The following EPHA6 variants were observed in gnomAD, a reference collection of about 807,000 sequenced individuals.
The protein encoded by EPHA6 is EPH receptor A6.
Under a neutral mutation model 112.0 loss-of-function variants are expected in EPHA6, and 50 were observed. That is an observed-to-expected ratio of 0.45 (90% CI 0.36 to 0.56). The LOEUF (loss-of-function observed/expected upper bound fraction) is 0.56, where lower values mean the gene tolerates loss of function less well. EPHA6 is among the 20% of genes least tolerant of loss of function. The pLI is 0.00. For missense variants in EPHA6, 1,280 were observed against 1,417.4 expected (o/e 0.90, Z 1.56); for synonymous variants, 529 against 490.7 (o/e 1.08, Z -1.03).
intron 14 of EPHA6, among the ~76,000 whole-genome samples, chr3:97,643,391 C>T (rs1440665172): frequency 6.6e-6 from 1 of 152,110 alleles, no homozygotes; most frequent in Non-Finnish European, 1.5e-5. Context: ...AACTAATGAG[C>T]AAAATCACCA....
chr3:97,550,828 G>A (rs563863253), intron 11 of EPHA6, among the ~76,000 whole-genome samples: 20 of 151,816 alleles, frequency 1.3e-4, no homozygotes, highest in African/African-American at 4.8e-4. Context: ...CACACATTAA[G>A]CAGTAAGTAC....
chr3:96,951,603 C>T (rs879827185), intron 2 of EPHA6, among the ~76,000 whole-genome samples: 4 of 152,052 alleles, frequency 2.6e-5, no homozygotes, highest in Admixed American at 2.6e-4. Flanking sequence ...TATGTCATAA[C>T]ATCTTCATAA....
intron 3 of EPHA6, among the ~76,000 whole-genome samples, chr3:97,131,781 T>C (rs2075631132): frequency 6.6e-6 from 1 of 152,098 alleles, no homozygotes; most frequent in South Asian, 2.1e-4. Flanking sequence ...TTGCTACAAA[T>C]AATAAGCTAG....
rs2107924471 is a variant in EPHA6 at position 97,752,743 on chromosome 3, TG to T, written c.*4043del. 6.6e-6 allele frequency among the ~76,000 whole-genome samples: 1 copy of T among 152,234 alleles called. No individual in the cohort carries two copies. The highest frequency in any genetic ancestry group is 1.9e-4 in the East Asian group (1 of 5,184). On this transcript the variant is annotated 3_prime_UTR_variant, in exon 18 of 18. Coordinates refer to ENST00000389672, the MANE Select transcript of EPHA6 (RefSeq NM_001080448.3). Reference sequence around the variant, plus strand: ...TGGAAAGTAATTTTGAAATGGATGATGATGATCCTTTTTAATTGCTTTAACT... The same window carrying T: ...TGGAAAGTAATTTTGAAATGGATGATATGATCCTTTTTAATTGCTTTAACT...
At chr3:97,227,042 T>C (rs527439855) in intron 4 of EPHA6, among the ~76,000 whole-genome samples, 1 of 152,296 alleles carries the variant, frequency 6.6e-6, no homozygotes, top group African/African-American at 2.4e-5. Flanking sequence ...TGTATTCTTC[T>C]ATTATTAAAA....
chr3:96,922,525 C>T (rs1412511185), intron 2 of EPHA6, among the ~76,000 whole-genome samples: 1 of 152,096 alleles, frequency 6.6e-6, no homozygotes, highest in Non-Finnish European at 1.5e-5. Flanking sequence ...CTGTATTTTT[C>T]AGAGTCTGAT....
chr3:96,880,812 T>C (rs1296691408), intron 2 of EPHA6, among the ~76,000 whole-genome samples: 1 of 152,200 alleles, frequency 6.6e-6, no homozygotes, highest in Non-Finnish European at 1.5e-5. Context: ...CTGGCTTCTT[T>C]TACTTAGCGT....
intron 3 of EPHA6, among the ~76,000 whole-genome samples, chr3:97,005,096 G>C (rs1337306140): frequency 6.6e-6 from 1 of 152,186 alleles, no homozygotes; most frequent in Non-Finnish European, 1.5e-5. Flanking sequence ...GGCTATGCCA[G>C]ATCTTCTTTG....
chr3:97,310,988 A>C (rs1188892314), intron 5 of EPHA6, among the ~76,000 whole-genome samples: 1 of 151,458 alleles, frequency 6.6e-6, no homozygotes, highest in African/African-American at 2.4e-5. Context: ...ATCCTTTCCC[A>C]CCTGGAGACA....
intron 14 of EPHA6, among the ~76,000 whole-genome samples, chr3:97,694,215 G>A (rs1559607415): frequency 6.6e-6 from 1 of 151,592 alleles, no homozygotes; most frequent in African/African-American, 2.4e-5. Context: ...AGATGTCTAT[G>A]AGCCCTTTTC....
intron 3 of EPHA6, among the ~76,000 whole-genome samples, chr3:97,077,729 T>A (rs2046578770): frequency 6.6e-6 from 1 of 152,210 alleles, no homozygotes; most frequent in Non-Finnish European, 1.5e-5. Flanking sequence ...GAACTCATCC[T>A]TTTTTATGGC....
intron 6 of EPHA6, among the ~76,000 whole-genome samples, chr3:97,423,621 T>C (rs75741628): frequency 6.6e-6 from 1 of 152,048 alleles, no homozygotes; most frequent in Non-Finnish European, 1.5e-5. Flanking sequence ...AATCTACCTA[T>C]GACATTTTTT....
chr3:97,044,929 T>C (rs2045450336), intron 3 of EPHA6, among the ~76,000 whole-genome samples: 1 of 152,062 alleles, frequency 6.6e-6, no homozygotes, highest in African/African-American at 2.4e-5. Flanking sequence ...CAAATAAAAA[T>C]CTGTCTTTAG....
intron 2 of EPHA6, among the ~76,000 whole-genome samples, chr3:96,889,294 G>T (rs546729535): frequency 6.6e-6 from 1 of 152,122 alleles, no homozygotes; most frequent in African/African-American, 2.4e-5. Context: ...ACATTTTTGG[G>T]TATCTTTTCA....
chr3:96,979,878 A>G (rs540374532), intron 2 of EPHA6, among the ~76,000 whole-genome samples: 4 of 152,082 alleles, frequency 2.6e-5, no homozygotes, highest in South Asian at 4.2e-4. Flanking sequence ...CATATCCTTC[A>G]CCCACTTTTT....
chr3:97,215,610 C>CAAA (rs11340632), intron 3 of EPHA6, among the ~76,000 whole-genome samples: 2 of 122,134 alleles, frequency 1.6e-5, no homozygotes, highest in Non-Finnish European at 1.9e-5. Flanking sequence ...AACTTTGTCT[C>CAAA]AAAAAAAAAA....
At chr3:97,100,002 A>C (rs1289574144) in intron 3 of EPHA6, among the ~76,000 whole-genome samples, 1 of 151,970 alleles carries the variant, frequency 6.6e-6, no homozygotes, top group African/African-American at 2.4e-5. Context: ...TGTCTCCACC[A>C]TGTGTATGTG....
At chr3:96,984,655 C>T (rs770499520) in intron 2 of EPHA6, among the ~76,000 whole-genome samples, 4 of 152,170 alleles carry the variant, frequency 2.6e-5, no homozygotes, top group South Asian at 2.1e-4. Context: ...CCAGAGGTGG[C>T]GTCTACAGAG....
chr3:96,946,381 G>A (rs1228688398), intron 2 of EPHA6, among the ~76,000 whole-genome samples: 1 of 150,390 alleles, frequency 6.6e-6, no homozygotes, highest in East Asian at 2.0e-4. Flanking sequence ...GTGTCCAAGT[G>A]TTCTCATTGT....
Sources: gnomAD v4.1 joint callset for allele counts (sites outside exome capture counted in the v4.1 genomes callset) on GRCh38, gnomAD v4.1.1 for gene constraint, MANE v1.5 for transcripts, NCBI Gene and HGNC (gene_info 2026-07-23, HGNC 2026-07-21) for gene names.